The following CILK1 variants were observed in gnomAD, a reference collection of about 807,000 sequenced individuals.
CILK1 encodes ciliogenesis associated kinase 1.
Under a neutral mutation model 79.2 loss-of-function variants are expected in CILK1, and 47 were observed. The ratio of observed to expected loss-of-function variants is 0.59; its 90% CI spans 0.47 to 0.76. The LOEUF (loss-of-function observed/expected upper bound fraction) is 0.76, where lower values mean the gene tolerates loss of function less well. Among genes scored for constraint, CILK1 ranks in the 30% least tolerant of loss-of-function variants. The pLI, the probability that CILK1 is intolerant of heterozygous loss-of-function variation, is 0.00. For synonymous variants in CILK1, 266 were observed against 275.9 expected (o/e 0.96, Z 0.36); for missense variants, 660 against 769.5 (o/e 0.86, Z 1.68).
chr6:53,018,335 T>C lies in CILK1; in HGVS notation c.658A>G (p.Lys220Glu), dbSNP rs1554169267. 6.2e-7 allele frequency: 1 copy of C among 1,614,152 alleles called. No individual in the cohort carries two copies. The highest frequency in any genetic ancestry group is 1.7e-5 in the Admixed American group (1 of 60,024). The change falls in exon 7 of 14, where the codon AAA becomes GAA. Residue 220 changes from lysine to glutamate, a missense_variant. Coordinates refer to ENST00000676107, the MANE Select transcript of CILK1 (RefSeq NM_014920.5). The stretch of plus-strand genomic sequence containing the variant: ...CCTTTGTTTTGTATCATTACCTTTT[T>C]TGGTGTCCCCAGCACTTGGCAAATT... Reference protein sequence around the residue: ...FKICQVLGTPKKTDWPEGYQL... With the variant: ...FKICQVLGTPEKTDWPEGYQL...
rs752349756 is a variant in CILK1, at chr6:53,012,174, C to T, written c.1206G>A (p.Arg402=). 5.6e-6 allele frequency: 9 copies of T among 1,614,176 alleles called. No homozygotes were observed. The highest frequency in any genetic ancestry group is 7.6e-6 in the Non-Finnish European group (9 of 1,180,026). Residue 402 remains arginine (R), a synonymous_variant, in exon 10 of 14, where the codon AGG becomes AGA. Transcript: ENST00000676107. ...HKNGEIKPKS[R]RRWGLISRST... is the part of the protein sequence containing the mutation. ...ACCTGGAAATAAGACCCCACCTTCT[C>T]CTACTCTTTGGCTTTATCTCACCAT...
chr6:53,017,274 C>T (rs1435935588), intron 7 of CILK1, among the ~76,000 whole-genome samples: 1 of 152,112 alleles, frequency 6.6e-6, no homozygotes, highest in African/African-American at 2.4e-5. Context: ...AAACATACAG[C>T]AAATCCTTGT....
At chr6:53,057,315 AC>A (rs1308777408) in intron 1 of CILK1, among the ~76,000 whole-genome samples, 3 of 152,304 alleles carry the variant, frequency 2.0e-5, no homozygotes, top group South Asian at 2.1e-4. Flanking sequence ...TCCTAAAAAA[AC>A]GTGTGGTTCT....
At chr6:53,027,308 A>G (rs907062133) in intron 5 of CILK1, among the ~76,000 whole-genome samples, 1 of 152,224 alleles carries the variant, frequency 6.6e-6, no homozygotes, top group Non-Finnish European at 1.5e-5. Flanking sequence ...TGTGACCTGG[A>G]TATCTGTAAG....
chr6:53,038,051 G>C, intron 2 of CILK1, 58 bp from the exon 3 acceptor site: 1 of 1,227,062 alleles, frequency 8.1e-7, no homozygotes, highest in Non-Finnish European at 1.2e-6. Context: ...GTTAAACTTT[G>C]CTTTTAGAAA....
intron 12 of CILK1, among the ~76,000 whole-genome samples, chr6:53,006,997 G>C (rs985975509): frequency 1.3e-5 from 2 of 152,150 alleles, no homozygotes; most frequent in African/African-American, 4.8e-5. Context: ...ATTTCCACTT[G>C]GGAGTGCTTT....
At chr6:53,018,249 G>A in intron 7 of CILK1, 81 bp downstream of exon 7, 4 of 1,344,480 alleles carry the variant, frequency 3.0e-6, no homozygotes, top group South Asian at 1.2e-5. Flanking sequence ...GCTCAATCAT[G>A]CCAGTGCTGA....
intron 1 of CILK1, among the ~76,000 whole-genome samples, chr6:53,057,535 C>G (rs909239466): frequency 6.6e-6 from 1 of 152,152 alleles, no homozygotes; most frequent in African/African-American, 2.4e-5. Context: ...GGACATCACA[C>G]TTATAATACT....
chr6:53,057,234 CAT>C (rs142991848), intron 1 of CILK1, among the ~76,000 whole-genome samples: 1,850 of 152,264 alleles, frequency 0.012, 33 homozygotes, highest in East Asian at 0.064. Flanking sequence ...AGAGCAGTCA[CAT>C]GTTATCAATA....
At chr6:53,031,548 C>T (rs1765963612) in intron 4 of CILK1, among the ~76,000 whole-genome samples, 1 of 152,150 alleles carries the variant, frequency 6.6e-6, no homozygotes, top group African/African-American at 2.4e-5. Context: ...CTGTGAATGG[C>T]ATTCATTTTG....
intron 11 of CILK1, among the ~76,000 whole-genome samples, chr6:53,010,265 T>A (rs1417682620): frequency 6.6e-6 from 1 of 152,194 alleles, no homozygotes; most frequent in Non-Finnish European, 1.5e-5. Context: ...TCAATCCTGA[T>A]GAAGTCTAGC....
At chr6:53,054,301 C>A (rs1213053068) in intron 1 of CILK1, among the ~76,000 whole-genome samples, 1 of 152,206 alleles carries the variant, frequency 6.6e-6, no homozygotes, top group Non-Finnish European at 1.5e-5. Flanking sequence ...GTGGCAATGA[C>A]CTGCAGGTGT....
chr6:53,053,576 T>G (rs924163961), intron 1 of CILK1, among the ~76,000 whole-genome samples: 5 of 152,248 alleles, frequency 3.3e-5, no homozygotes, highest in African/African-American at 1.2e-4. Flanking sequence ...ACGACTAATG[T>G]GGCAGAAATG....
chr6:53,019,278 GCCAAA>G lies in CILK1; in HGVS notation c.435_439del (p.Leu146ProfsTer35). 1 of 1,613,912 alleles carries G rather than the reference GCCAAA, an allele frequency of 6.2e-7. No homozygotes were observed. Among genetic ancestry groups the G allele is most frequent in the Non-Finnish European group, 8.5e-7 (1 of 1,179,876 alleles). ...TGGAGGTTTTGATCGTATTTCTCGG[GCCAAA>G]CCAAAGTCTGCAATTTTCACAAGTT... is the stretch of plus-strand genomic sequence containing the variant. On this transcript the variant is annotated frameshift_variant, in exon 6 of 14. Coordinates refer to ENST00000676107, the MANE Select transcript of CILK1 (RefSeq NM_014920.5). LOFTEE classifies it high-confidence loss of function.
chr6:53,022,494 T>C (rs1167068544), intron 5 of CILK1, among the ~76,000 whole-genome samples: 1 of 152,230 alleles, frequency 6.6e-6, no homozygotes, highest in Non-Finnish European at 1.5e-5. Context: ...GGCTATACCA[T>C]ATAGTCCAGC....
chr6:53,038,078 T>G (rs559868318), intron 2 of CILK1, 85 bp from the exon 3 acceptor site: 18 of 882,758 alleles, frequency 2.0e-5, no homozygotes, highest in Admixed American at 3.6e-5. Flanking sequence ...TCCATTCTGA[T>G]CCTAATTAAC....
In CILK1 at chr6:53,031,084, G is replaced by A. The variant is rs148180965; in HGVS notation, c.339C>T (p.Leu113=). ...ACCTACCGTGTTTGTGAATAAATGC[G>A]AGTCCTTGTAATATCTGATACATGA... ...RNIMYQILQG[L]AFIHKHGFFH... The change falls in exon 5 of 14, where the codon CTC becomes CTT. Residue 113 remains leucine, a synonymous_variant. Transcript: ENST00000676107. 1.8e-5 allele frequency: 29 copies of A among 1,606,986 alleles called. No homozygotes were observed. The Admixed American group carries it at 2.5e-4, about 14-fold the overall frequency.
intron 3 of CILK1, among the ~76,000 whole-genome samples, chr6:53,033,319 A>T (rs1357602447): frequency 6.6e-6 from 1 of 152,144 alleles, no homozygotes; most frequent in Admixed American, 6.5e-5. Context: ...TGGCTCAGAA[A>T]ATGGTGCGTG....
At chr6:53,008,871 T>C (rs997055307) in intron 12 of CILK1, among the ~76,000 whole-genome samples, 2 of 152,192 alleles carry the variant, frequency 1.3e-5, no homozygotes, top group Non-Finnish European at 2.9e-5. Context: ...AAGCAGCACA[T>C]GGCAGGGGCT....
Sources: allele counts gnomAD v4.1 joint callset (sites outside exome capture counted in the v4.1 genomes callset), GRCh38; gene constraint gnomAD v4.1.1; transcripts MANE v1.5; gene names NCBI Gene and HGNC (gene_info 2026-07-23, HGNC 2026-07-21).